The following TEAD1 variants were observed in gnomAD, a reference collection of about 807,000 sequenced individuals.
The protein encoded by TEAD1 is TEA domain transcription factor 1.
A neutral mutation model predicts 54.9 loss-of-function variants in TEAD1; 9 were observed. The observed-to-expected ratio is 0.16, with a 90% CI of 0.10 to 0.29. The LOEUF (loss-of-function observed/expected upper bound fraction) is 0.29. Ranked by LOEUF, TEAD1 falls within the 10% of genes least tolerant of loss-of-function variation. The probability of loss-of-function intolerance (pLI) is 1.00; values close to 1 mark genes in which losing one functional copy is unlikely to be tolerated. For missense variants in TEAD1, 387 were observed against 535.9 expected (o/e 0.72, Z 2.74); for synonymous variants, 200 against 187.8 (o/e 1.07, Z -0.53).
chr11:12,812,163 C>T (rs1946315281), intron 3 of TEAD1, among the ~76,000 whole-genome samples: 1 of 151,946 alleles, frequency 6.6e-6, no homozygotes, highest in African/African-American at 2.4e-5. Flanking sequence ...CTTTTGAGCT[C>T]GTGGCTTGTG....
chr11:12,872,015 G>C (rs564300775), intron 5 of TEAD1, among the ~76,000 whole-genome samples: 132 of 152,212 alleles, frequency 8.7e-4, no homozygotes, highest in African/African-American at 3.0e-3. Context: ...TCTTGTTCTC[G>C]CCCTGGTGGC....
chr11:12,842,046 AT>A (rs1947051976), intron 3 of TEAD1, among the ~76,000 whole-genome samples: 1 of 152,076 alleles, frequency 6.6e-6, no homozygotes, highest in Non-Finnish European at 1.5e-5. Context: ...CCCCCAAATC[AT>A]TTCCACAGAG....
chr11:12,728,087 C>T (rs1358881346), intron 2 of TEAD1, among the ~76,000 whole-genome samples: 2 of 152,058 alleles, frequency 1.3e-5, no homozygotes, highest in Non-Finnish European at 2.9e-5. Flanking sequence ...GGGAATGAGA[C>T]AGAATGCAGT....
intron 3 of TEAD1, among the ~76,000 whole-genome samples, chr11:12,820,999 C>G (rs1195260445): frequency 6.6e-6 from 1 of 152,146 alleles, no homozygotes; most frequent in Non-Finnish European, 1.5e-5. Flanking sequence ...GGGCTCTATG[C>G]CTGTCTGCAT....
chr11:12,686,365 A>C (rs888795811), intron 2 of TEAD1, among the ~76,000 whole-genome samples: 1 of 152,120 alleles, frequency 6.6e-6, no homozygotes, highest in Non-Finnish European at 1.5e-5. Flanking sequence ...AATAGAGGGG[A>C]ATTTCAGGAA....
At chr11:12,805,764 A>G (rs964891829) in intron 3 of TEAD1, among the ~76,000 whole-genome samples, 1 of 152,224 alleles carries the variant, frequency 6.6e-6, no homozygotes, top group Non-Finnish European at 1.5e-5. Context: ...TAGGTACAGA[A>G]ACTAGCTGAA....
chr11:12,684,007 A>ATT (rs1943279106), intron 2 of TEAD1, among the ~76,000 whole-genome samples: 1 of 152,178 alleles, frequency 6.6e-6, no homozygotes, highest in Non-Finnish European at 1.5e-5. Flanking sequence ...AGTAAATAGC[A>ATT]ACTTCAAATG....
chr11:12,770,652 G>A (rs984200805), intron 3 of TEAD1, among the ~76,000 whole-genome samples: 1 of 152,172 alleles, frequency 6.6e-6, no homozygotes. Flanking sequence ...GTCCAGCAAG[G>A]TCAAGTTATT....
At chr11:12,746,848 GGGCTGAGGGCTGTGGGCA>G (rs1944755590) in intron 2 of TEAD1, among the ~76,000 whole-genome samples, 1 of 152,250 alleles carries the variant, frequency 6.6e-6, no homozygotes, top group Middle Eastern at 3.2e-3. Context: ...GAAGCAGGCT[GGGCTGAGGGCTGTGGGCA>G]GGCTGCAGCA....
At chr11:12,899,399 C>A (rs924671200) in intron 9 of TEAD1, among the ~76,000 whole-genome samples, 6 of 152,040 alleles carry the variant, frequency 3.9e-5, no homozygotes, top group Admixed American at 3.9e-4. Context: ...CCATGTTATT[C>A]TTTTTTACTT....
At chr11:12,687,889 G>T (rs181810059) in intron 2 of TEAD1, among the ~76,000 whole-genome samples, 2 of 152,078 alleles carry the variant, frequency 1.3e-5, no homozygotes, top group African/African-American at 4.8e-5. Flanking sequence ...GGACTCCTCC[G>T]GGCCAGGCTA....
chr11:12,705,552 A>G (rs111848556), intron 2 of TEAD1, among the ~76,000 whole-genome samples: 5 of 152,224 alleles, frequency 3.3e-5, no homozygotes, highest in African/African-American at 7.2e-5. Flanking sequence ...AGTAAAACCA[A>G]TTCCTTCCAA....
At chr11:12,901,864 T>C in intron 9 of TEAD1, 76 bp from the exon 10 acceptor site, 1 of 1,587,662 alleles carries the variant, frequency 6.3e-7, no homozygotes, top group East Asian at 2.2e-5. Context: ...TACTGCTCTT[T>C]ATCCAGTTCA....
At chr11:12,799,842 T>C (rs1946012852) in intron 3 of TEAD1, among the ~76,000 whole-genome samples, 1 of 152,000 alleles carries the variant, frequency 6.6e-6, no homozygotes, top group South Asian at 2.1e-4. Flanking sequence ...AGTGTTTTGC[T>C]TTTTTTTAAA....
intron 5 of TEAD1, among the ~76,000 whole-genome samples, chr11:12,874,178 T>G (rs1181518119): frequency 6.6e-6 from 1 of 152,258 alleles, no homozygotes; most frequent in Non-Finnish European, 1.5e-5. Flanking sequence ...TATCATATAT[T>G]GTATATGCAA....
intron 3 of TEAD1, among the ~76,000 whole-genome samples, chr11:12,784,600 T>C (rs1530187): frequency 0.9 from 137,230 of 152,236 alleles, 63,728 homozygotes; most frequent in East Asian, 1. Flanking sequence ...TTCACGTATG[T>C]TTACTAAGTG....
At chr11:12,766,999 G>A (rs1203889231) in intron 3 of TEAD1, among the ~76,000 whole-genome samples, 2 of 152,150 alleles carry the variant, frequency 1.3e-5, no homozygotes, top group African/African-American at 4.8e-5. Flanking sequence ...GTCGACATGA[G>A]GAGCTTTGCT....
At chr11:12,876,453 C>T (rs1268575425) in intron 5 of TEAD1, among the ~76,000 whole-genome samples, 1 of 152,114 alleles carries the variant, frequency 6.6e-6, no homozygotes, top group African/African-American at 2.4e-5. Context: ...AGCAGAAGTG[C>T]CTCTGTCTGC....
intron 2 of TEAD1, among the ~76,000 whole-genome samples, chr11:12,747,096 C>T (rs1022372625): frequency 2.0e-5 from 3 of 152,136 alleles, no homozygotes; most frequent in Admixed American, 6.6e-5. Context: ...TAAGGTATGC[C>T]TGAGGCTGTC....
Sources: allele counts gnomAD v4.1 joint callset (sites outside exome capture counted in the v4.1 genomes callset), GRCh38; gene constraint gnomAD v4.1.1; transcripts MANE v1.5; gene names NCBI Gene and HGNC (gene_info 2026-07-23, HGNC 2026-07-21).